Variants in GPC5 observed in about 807,000 individuals in gnomAD.
The protein encoded by GPC5 is glypican-5.
GPC5 carries 47 observed loss-of-function variants against 53.9 expected under a neutral mutation model. The observed-to-expected ratio is 0.87, with a 90% CI of 0.69 to 1.11. GPC5 has a LOEUF of 1.11. GPC5 is among the 50% of genes most tolerant of loss of function. GPC5 has a pLI of 0.00. For synonymous variants in GPC5, 286 were observed against 263.3 expected (o/e 1.09, Z -0.84); for missense variants, 748 against 713.1 (o/e 1.05, Z -0.56).
chr13:91,517,056 G>A (rs578176300), intron 2 of GPC5, among the ~76,000 whole-genome samples: 55 of 152,116 alleles, frequency 3.6e-4, no homozygotes, highest in African/African-American at 1.3e-3. Flanking sequence ...GCCTGTGATG[G>A]GAGAGGCTGC....
At chr13:92,059,466 A>G (rs1246444116) in intron 6 of GPC5, among the ~76,000 whole-genome samples, 1 of 152,058 alleles carries the variant, frequency 6.6e-6, no homozygotes, top group Non-Finnish European at 1.5e-5. Flanking sequence ...ACATACATAT[A>G]GCCATCTCTT....
rs2031620711 is a variant in GPC5, at chr13:91,568,164, A to G, written c.325+119242A>G. Among the ~76,000 whole-genome samples, 3 of 152,202 alleles carry G rather than the reference A, an allele frequency of 2.0e-5. No individual in the cohort carries two copies. The South Asian group carries it at 6.2e-4, about 32-fold the overall frequency. On this transcript the variant is annotated intron_variant, in intron 2 of 7. Transcript: ENST00000377067. ...AACCTCCTTTGTTTATAAATTACCCAGCCTCAGATAGTATGTTTATAGCAC... is the reference window on the plus strand; with the variant it reads ...AACCTCCTTTGTTTATAAATTACCCGGCCTCAGATAGTATGTTTATAGCAC...
At chr13:92,594,442 T>C (rs1883805231) in intron 7 of GPC5, among the ~76,000 whole-genome samples, 1 of 152,182 alleles carries the variant, frequency 6.6e-6, no homozygotes, top group African/African-American at 2.4e-5. Context: ...AGACAGTCCT[T>C]ACCCTACTTC....
At chr13:91,477,218 A>C (rs530969498) in intron 2 of GPC5, among the ~76,000 whole-genome samples, 1 of 152,330 alleles carries the variant, frequency 6.6e-6, no homozygotes, top group African/African-American at 2.4e-5. Context: ...CATTGTAGCA[A>C]TACAGGCAAG....
intron 7 of GPC5, among the ~76,000 whole-genome samples, chr13:92,807,891 C>T (rs1271581192): frequency 2.0e-5 from 3 of 151,916 alleles, no homozygotes; most frequent in Non-Finnish European, 4.4e-5. Context: ...AATAAATATG[C>T]CAGGTATGAA....
At chr13:91,991,684 A>C (rs1566382013) in intron 6 of GPC5, among the ~76,000 whole-genome samples, 3 of 152,088 alleles carry the variant, frequency 2.0e-5, no homozygotes, top group Non-Finnish European at 2.9e-5. Flanking sequence ...TACTGTGAAC[A>C]TTTTTTAATA....
At chr13:91,896,617 T>G (rs535529472) in intron 5 of GPC5, among the ~76,000 whole-genome samples, 1 of 152,226 alleles carries the variant, frequency 6.6e-6, no homozygotes, top group South Asian at 2.1e-4. Flanking sequence ...AAGGGGAGAT[T>G]GGCCAAATGT....
At chr13:92,756,134 G>A (rs1018541814) in intron 7 of GPC5, among the ~76,000 whole-genome samples, 9 of 151,764 alleles carry the variant, frequency 5.9e-5, no homozygotes, top group African/African-American at 2.2e-4. Flanking sequence ...TATCCACCAT[G>A]ATCAAGTGGG....
intron 1 of GPC5, among the ~76,000 whole-genome samples, chr13:91,415,961 G>A (rs1212730232): frequency 6.6e-6 from 1 of 152,032 alleles, no homozygotes. Flanking sequence ...TGCCCTGGAG[G>A]GAAAATTGCA....
intron 7 of GPC5, among the ~76,000 whole-genome samples, chr13:92,758,844 G>A (rs1875026355): frequency 6.6e-6 from 1 of 151,930 alleles, no homozygotes; most frequent in African/African-American, 2.4e-5. Flanking sequence ...TTTTCATCTA[G>A]GAGTTTTATG....
intron 6 of GPC5, among the ~76,000 whole-genome samples, chr13:91,962,753 A>G (rs2040137817): frequency 6.6e-6 from 1 of 152,120 alleles, no homozygotes; most frequent in Non-Finnish European, 1.5e-5. Flanking sequence ...TTCTCTATTA[A>G]CCATTAGTTA....
chr13:92,536,478 A>G (rs926489138), intron 7 of GPC5, among the ~76,000 whole-genome samples: 2 of 152,154 alleles, frequency 1.3e-5, no homozygotes, highest in Admixed American at 6.6e-5. Context: ...CCTCTCCTGG[A>G]TTGGAAAGCA....
chr13:92,747,063 A>G (rs1017687876), intron 7 of GPC5, among the ~76,000 whole-genome samples: 2 of 152,162 alleles, frequency 1.3e-5, no homozygotes, highest in African/African-American at 2.4e-5. Context: ...AGGTACAGTA[A>G]AGGTACAGTT....
chr13:92,014,982 G>A (rs1023191665), intron 6 of GPC5, among the ~76,000 whole-genome samples: 3 of 152,052 alleles, frequency 2.0e-5, no homozygotes, highest in Non-Finnish European at 4.4e-5. Context: ...TTGGGCAAGG[G>A]ATCTAGTGTC....
intron 7 of GPC5, among the ~76,000 whole-genome samples, chr13:92,272,116 A>G (rs891534557): frequency 2.0e-5 from 3 of 152,218 alleles, no homozygotes; most frequent in Non-Finnish European, 4.4e-5. Context: ...TAAACTAGTT[A>G]GTAAGTTTCC....
At chr13:92,474,029 T>A (rs1269103882) in intron 7 of GPC5, among the ~76,000 whole-genome samples, 1 of 152,166 alleles carries the variant, frequency 6.6e-6, no homozygotes, top group East Asian at 1.9e-4. Flanking sequence ...ATTGCCTTGC[T>A]AAAGTCCCAA....
intron 7 of GPC5, among the ~76,000 whole-genome samples, chr13:92,684,111 ATCT>A (rs1372037843): frequency 6.6e-6 from 1 of 151,870 alleles, no homozygotes; most frequent in African/African-American, 2.4e-5. Context: ...GAAATGACTG[ATCT>A]TCTTACTGTC....
chr13:92,859,947 TC>T (rs1181606891), intron 7 of GPC5, among the ~76,000 whole-genome samples: 1 of 152,104 alleles, frequency 6.6e-6, no homozygotes, highest in Admixed American at 6.6e-5. Context: ...AATATTCCCT[TC>T]ATCTTTAAAC....
At chr13:92,172,582 G>T (rs2042078267) in intron 7 of GPC5, among the ~76,000 whole-genome samples, 1 of 152,154 alleles carries the variant, frequency 6.6e-6, no homozygotes, top group African/African-American at 2.4e-5. Context: ...AAATTTTCAA[G>T]TGCTCATAGT....
Sources: allele counts gnomAD v4.1 joint callset (sites outside exome capture counted in the v4.1 genomes callset), GRCh38; gene constraint gnomAD v4.1.1; transcripts MANE v1.5; gene names NCBI Gene and HGNC (gene_info 2026-07-23, HGNC 2026-07-21).